PRKDC: variants seen among roughly 807,000 people sequenced by gnomAD.
PRKDC encodes the protein DNA-dependent protein kinase catalytic subunit.
A neutral mutation model predicts 486.9 loss-of-function variants in PRKDC; 82 were observed. That is an observed-to-expected ratio of 0.17 (90% confidence interval 0.14 to 0.20). The LOEUF (loss-of-function observed/expected upper bound fraction) is 0.20, where lower values mean the gene tolerates loss of function less well. PRKDC is among the 10% of genes least tolerant of loss of function. The probability of loss-of-function intolerance (pLI) is 1.00; values close to 1 mark genes in which losing one functional copy is unlikely to be tolerated. For synonymous variants in PRKDC, 1,895 were observed against 1,837.0 expected (o/e 1.03, Z -0.81); for missense variants, 4,504 against 5,038.2 (o/e 0.89, Z 3.21).
At chr8:47,894,039 G>C (rs563077764) in intron 30 of PRKDC, among the ~76,000 whole-genome samples, 1 of 152,102 alleles carries the variant, frequency 6.6e-6, no homozygotes, top group Non-Finnish European at 1.5e-5. Flanking sequence ...CCAGCACTTT[G>C]GGGGGCTGAG....
At chr8:47,863,130 C>G (rs1446906557) in intron 42 of PRKDC, among the ~76,000 whole-genome samples, 1 of 152,046 alleles carries the variant, frequency 6.6e-6, no homozygotes, top group Admixed American at 6.6e-5. Context: ...ATATATCAAG[C>G]TATTCAAGGG....
intron 54 of PRKDC, 46 bp downstream of exon 54, chr8:47,849,108 C>T (rs2088342979): frequency 6.3e-7 from 1 of 1,596,980 alleles, no homozygotes; most frequent in Admixed American, 1.7e-5. Context: ...TAAATTAACG[C>T]TTTATGAGCC....
At position 47,897,193 on chromosome 8, in the gene PRKDC, T is replaced by C; in HGVS notation, c.3566A>G (p.Glu1189Gly). ...PQTECRHKSI[E>G]LFYKFVPLLP... ...TAAAGGAACGAATTTATAAAAGAGT[T>C]CAATGGATTTGTGTCGACATTCTGT... The change falls in exon 30 of 86, where the codon GAA becomes GGA. Residue 1189 changes from glutamate (E) to glycine (G), a missense_variant. Coordinates refer to ENST00000314191, the MANE Select transcript of PRKDC (RefSeq NM_006904.7). The C allele has an allele frequency of 6.2e-7, 1 of 1,605,644 alleles. No individual in the cohort carries two copies.
intron 40 of PRKDC, among the ~76,000 whole-genome samples, chr8:47,870,414 T>A (rs2088924570): frequency 6.6e-6 from 1 of 152,142 alleles, no homozygotes; most frequent in Non-Finnish European, 1.5e-5. Flanking sequence ...TCCAGGGAAT[T>A]TTCCAAGATT....
rs961864055 is a variant in PRKDC at position 47,803,302 on chromosome 8, T to C, written c.9922+4A>G. 6.2e-7 allele frequency: 1 copy of C among 1,602,996 alleles called. No individual in the cohort carries two copies. The highest frequency in any genetic ancestry group is 8.5e-7 in the Non-Finnish European group (1 of 1,174,900). Reference sequence around the variant, plus strand: ...ATATAAGTGGATAAAAGCGGTCAACTTACCCAACAAAGAGACTGTTTTCAG... The same window carrying C: ...ATATAAGTGGATAAAAGCGGTCAACCTACCCAACAAAGAGACTGTTTTCAG... On this transcript the variant is annotated splice_donor_region_variant and intron_variant, in intron 70 of 85. Coordinates refer to ENST00000314191, the MANE Select transcript of PRKDC (RefSeq NM_006904.7).
At chr8:47,891,819 A>G (rs2089465301) in intron 31 of PRKDC, among the ~76,000 whole-genome samples, 1 of 152,220 alleles carries the variant, frequency 6.6e-6, no homozygotes, top group Non-Finnish European at 1.5e-5. Context: ...TAAATATGGG[A>G]AAATGTACAT....
chr8:47,946,569 C>T (rs2090535331), intron 7 of PRKDC, among the ~76,000 whole-genome samples: 1 of 152,052 alleles, frequency 6.6e-6, no homozygotes, highest in African/African-American at 2.4e-5. Flanking sequence ...ACTGCCTCCT[C>T]AGCACTCTCT....
At chr8:47,848,435 G>A (rs929705616) in intron 54 of PRKDC, among the ~76,000 whole-genome samples, 12 of 152,102 alleles carry the variant, frequency 7.9e-5, no homozygotes, top group African/African-American at 2.9e-4. Context: ...TAAACACTGA[G>A]TACACATAGA....
chr8:47,881,057 AAAAAGAAAGC>A (rs2089203740), intron 38 of PRKDC, among the ~76,000 whole-genome samples: 1 of 148,980 alleles, frequency 6.7e-6, no homozygotes, highest in African/African-American at 2.5e-5. Context: ...AAAAAAAAAA[AAAAAGAAAGC>A]AAGAAAGCAA....
chr8:47,779,861 T>A (rs1015280601), intron 80 of PRKDC, among the ~76,000 whole-genome samples: 1 of 151,676 alleles, frequency 6.6e-6, no homozygotes, highest in Non-Finnish European at 1.5e-5. Context: ...GTGCTGGGAT[T>A]ACAGGTGTGA....
In PRKDC at chr8:47,939,554, T is replaced by A. The variant is rs370275761; in HGVS notation, c.1110A>T (p.Ala370=). 4.9e-5 allele frequency: 79 copies of A among 1,611,614 alleles called. No individual in the cohort carries two copies. Among genetic ancestry groups the A allele is most frequent in the Non-Finnish European group, 5.3e-5 (63 of 1,179,126 alleles). ...AGAGTAAGTTAATGAGACATACTCC[T>A]GCAAAAAGTCCATATCCACGGATAG... ...SIAIRGYGLF[A]GPCKVINAKD... The change falls in exon 11 of 86, where the codon GCA becomes GCT. Residue 370 remains alanine, a synonymous_variant. Coordinates refer to ENST00000314191, the MANE Select transcript of PRKDC (RefSeq NM_006904.7).
intron 16 of PRKDC, among the ~76,000 whole-genome samples, chr8:47,931,989 C>T (rs2090263987): frequency 6.6e-6 from 1 of 152,206 alleles, no homozygotes. Context: ...CTCCCGGGTT[C>T]ACGCCATTCT....
At chr8:47,898,939 A>G (rs2089632222) in intron 28 of PRKDC, among the ~76,000 whole-genome samples, 1 of 152,236 alleles carries the variant, frequency 6.6e-6, no homozygotes. Flanking sequence ...CAAAACCCAC[A>G]TACCAGGCCA....
At position 47,953,014 on chromosome 8, in the gene PRKDC, G is replaced by A. The variant is rs189904111; in HGVS notation, c.721+606C>T. Among the ~76,000 whole-genome samples the A allele has an allele frequency of 6.2e-3, 937 of 152,248 alleles. 4 individuals carry two copies. The highest frequency in any genetic ancestry group is 0.01 in the Non-Finnish European group (692 of 68,026). On this transcript the variant is annotated intron_variant, in intron 7 of 85. Transcript: ENST00000314191. ...AAAAATTTGCCATTTAGTGGCGAGT[G>A]CCTGTAATCCCAGGTACTCGGGAGG...
chr8:47,793,320 C>A (rs1385998306), intron 74 of PRKDC, among the ~76,000 whole-genome samples: 1 of 152,148 alleles, frequency 6.6e-6, no homozygotes, highest in Non-Finnish European at 1.5e-5. Flanking sequence ...GATAAGCCAC[C>A]CATTAACTGC....
chr8:47,859,642 G>C lies in PRKDC; in HGVS notation c.6176C>G (p.Pro2059Arg). 6.2e-7 allele frequency: 1 copy of C among 1,613,616 alleles called. No individual in the cohort carries two copies. Among genetic ancestry groups the C allele is most frequent in the Non-Finnish European group, 8.5e-7 (1 of 1,179,804 alleles). The stretch of plus-strand genomic sequence containing the variant: ...CCGAAAACGACCAGTGGCAGGTCTA[G>C]GGTCTTGGGAGCTGTATGAATAGCT... The part of the protein sequence containing the change: ...VQSYSYSSQD[P>R]RPATGRFRRR... The change falls in exon 46 of 86, where the codon CCT (proline) becomes CGT (arginine). Residue 2059 changes from proline to arginine, a missense_variant. Physicochemically the swap from Pro to Arg is moderately radical, Grantham distance 103. This residue lies in a region of PRKDC where 1,592 missense variants were observed against 1,724.6 expected (regional missense o/e 0.92). Transcript: ENST00000314191.
intron 40 of PRKDC, among the ~76,000 whole-genome samples, chr8:47,866,500 AAGG>A (rs2088820386): frequency 6.6e-6 from 1 of 152,252 alleles, no homozygotes; most frequent in Non-Finnish European, 1.5e-5. Context: ...CTAAGATAGT[AAGG>A]AGAAGCAAAA....
chr8:47,793,868 C>T (rs897922259), intron 74 of PRKDC, among the ~76,000 whole-genome samples: 1 of 152,116 alleles, frequency 6.6e-6, no homozygotes, highest in African/African-American at 2.4e-5. Context: ...AATAGTTGCG[C>T]ACTACTGCTC....
Position 47,798,219 on chromosome 8 carries a change from T to C in PRKDC, c.10458+18A>G. 1.9e-6 allele frequency: 3 copies of C among 1,601,810 alleles called. No individual in the cohort carries two copies. The highest frequency in any genetic ancestry group is 1.7e-6 in the Non-Finnish European group (2 of 1,176,378). ...TTCTGTAAAGTTCCTTACCGCCAAG[T>C]AGAATAAAGACACCAACCTCTTTTG... On this transcript the variant is annotated intron_variant, in intron 73 of 85. Coordinates refer to ENST00000314191, the MANE Select transcript of PRKDC (RefSeq NM_006904.7).
Sources: gnomAD v4.1 joint callset for allele counts (sites outside exome capture counted in the v4.1 genomes callset) on GRCh38, gnomAD v4.1.1 for gene constraint, gnomAD v4.1.1 regional missense constraint, MANE v1.5 for transcripts, NCBI Gene and HGNC (gene_info 2026-07-23, HGNC 2026-07-21) for gene names.